Variants in KIF5C observed in about 807,000 individuals in gnomAD.
The protein encoded by KIF5C is kinesin family member 5C.
Under a neutral mutation model 125.2 loss-of-function variants are expected in KIF5C, and 18 were observed. The observed-to-expected ratio is 0.14, with a 90% confidence interval of 0.10 to 0.21. The LOEUF (loss-of-function observed/expected upper bound fraction) is 0.21, where lower values mean the gene tolerates loss of function less well. Ranked by LOEUF, KIF5C falls within the 10% of genes least tolerant of loss-of-function variation. The probability of loss-of-function intolerance (pLI) is 1.00; values close to 1 mark genes in which losing one functional copy is unlikely to be tolerated. For synonymous variants in KIF5C, 405 were observed against 434.0 expected (o/e 0.93, Z 0.83); for missense variants, 780 against 1,183.8 (o/e 0.66, Z 5.01).
At chr2:148,905,455 G>A (rs1474131678) in intron 1 of KIF5C, among the ~76,000 whole-genome samples, 1 of 152,154 alleles carries the variant, frequency 6.6e-6, no homozygotes, top group Non-Finnish European at 1.5e-5. Context: ...GCATTGGTTT[G>A]CTAAGGGGAC....
intron 2 of KIF5C, among the ~76,000 whole-genome samples, chr2:148,926,588 G>A (rs1271854252): frequency 2.0e-5 from 3 of 152,192 alleles, no homozygotes; most frequent in East Asian, 3.9e-4. Flanking sequence ...TTCCTGCTAC[G>A]GCTCCCCCTC....
At chr2:148,983,537 A>T in intron 14 of KIF5C, 83 bp from the exon 15 acceptor site, 1 of 1,427,640 alleles carries the variant, frequency 7.0e-7, no homozygotes, top group South Asian at 1.8e-5. Context: ...TCCATTCTAC[A>T]TGATGGTGTT....
At position 148,924,290 on chromosome 2, in the gene KIF5C, T is replaced by C. The variant is rs539329195; in HGVS notation, c.217+2063T>C. 1.2e-4 allele frequency among the ~76,000 whole-genome samples: 18 copies of C among 152,272 alleles called. No homozygotes were observed. The South Asian group carries it at 3.5e-3, about 30-fold the overall frequency. ...GAGGCGGTGCTGTGGAGCCCTTTTT[T>C]TCTAGAGGCTAATAATTAAATCAGA... On this transcript the variant is annotated intron_variant, in intron 2 of 25. Coordinates refer to ENST00000435030, the MANE Select transcript of KIF5C (RefSeq NM_004522.3). The surrounding 1 kb of genome is among the most constrained non-coding windows in gnomAD (Gnocchi z 4.0).
chr2:148,996,964 T>G (rs947190192), intron 17 of KIF5C, among the ~76,000 whole-genome samples: 4 of 151,954 alleles, frequency 2.6e-5, no homozygotes, highest in Non-Finnish European at 5.9e-5. Flanking sequence ...CTCCCAGGTG[T>G]GCGGTGACAT....
chr2:148,976,473 T>C (rs753258801), intron 12 of KIF5C, among the ~76,000 whole-genome samples: 2 of 151,622 alleles, frequency 1.3e-5, no homozygotes, highest in Non-Finnish European at 2.9e-5. Flanking sequence ...CTTCACCATC[T>C]TGGCCAGGAT....
intron 2 of KIF5C, among the ~76,000 whole-genome samples, chr2:148,928,665 C>T (rs942068512): frequency 1.3e-5 from 2 of 152,152 alleles, no homozygotes; most frequent in Non-Finnish European, 2.9e-5. Flanking sequence ...CTTGTTAGCA[C>T]TATCAGTGCA....
chr2:148,894,703 A>ATATATATATATATATATAT (rs1558875720), intron 1 of KIF5C, among the ~76,000 whole-genome samples: 59 of 147,514 alleles, frequency 4.0e-4, no homozygotes, highest in African/African-American at 1.4e-3. Context: ...AGTTTAGTAC[A>ATATATATATATATATATAT]ATATATATAT....
chr2:148,969,773 G>A (rs1348044210), intron 11 of KIF5C, among the ~76,000 whole-genome samples: 2 of 152,154 alleles, frequency 1.3e-5, no homozygotes, highest in African/African-American at 2.4e-5. Flanking sequence ...CTCCATTAAC[G>A]TGGTGAGATT....
intron 1 of KIF5C, among the ~76,000 whole-genome samples, chr2:148,913,964 C>A (rs1302833105): frequency 6.6e-6 from 1 of 152,174 alleles, no homozygotes; most frequent in Non-Finnish European, 1.5e-5. Flanking sequence ...TGCAGAGAAC[C>A]CGGAGCTCTC....
intron 7 of KIF5C, among the ~76,000 whole-genome samples, chr2:148,943,634 A>G (rs1464789146): frequency 6.6e-6 from 1 of 152,198 alleles, no homozygotes; most frequent in East Asian, 1.9e-4. Flanking sequence ...CTAGGGAGGC[A>G]GATTTCGACC....
At chr2:149,017,521 ACTTC>A (rs2105210274) in intron 25 of KIF5C, among the ~76,000 whole-genome samples, 1 of 152,300 alleles carries the variant, frequency 6.6e-6, no homozygotes, top group African/African-American at 2.4e-5. Flanking sequence ...CTGGAGATCC[ACTTC>A]CTTTCCAGGC....
intron 2 of KIF5C, among the ~76,000 whole-genome samples, chr2:148,925,395 T>C (rs1681950285): frequency 6.6e-6 from 1 of 152,202 alleles, no homozygotes; most frequent in Admixed American, 6.5e-5. Flanking sequence ...TTATCTTATA[T>C]ATGACTCTGA....
chr2:149,012,859 A>G (rs1398916349), intron 25 of KIF5C, among the ~76,000 whole-genome samples: 11 of 152,248 alleles, frequency 7.2e-5, no homozygotes, highest in Non-Finnish European at 1.3e-4. Flanking sequence ...AATCAGAAAT[A>G]GAATGAAACT....
At chr2:148,994,672 GA>G (rs1558938046) in intron 17 of KIF5C, 134 bp downstream of exon 17, 8 of 1,050,300 alleles carry the variant, frequency 7.6e-6, no homozygotes, top group East Asian at 3.1e-5. Context: ...ACCATAACTA[GA>G]AAAAAAGGAG....
chr2:148,957,744 A>G (rs1443683696), intron 10 of KIF5C, among the ~76,000 whole-genome samples: 1 of 151,866 alleles, frequency 6.6e-6, no homozygotes, highest in Non-Finnish European at 1.5e-5. Context: ...CTCAATTTTT[A>G]TTGAATATAA....
chr2:148,961,894 G>A, intron 10 of KIF5C, 77 bp from the exon 11 acceptor site: 1 of 1,516,878 alleles, frequency 6.6e-7, no homozygotes, highest in Non-Finnish European at 8.8e-7. Flanking sequence ...TTGACATGAG[G>A]AATCTTGGGC....
chr2:148,914,283 G>C (rs1167964791), intron 1 of KIF5C, among the ~76,000 whole-genome samples: 1 of 152,204 alleles, frequency 6.6e-6, no homozygotes. Flanking sequence ...GGAGTTCACT[G>C]TATTTTGATC....
In KIF5C at chr2:148,952,859, C is replaced by T. The variant is rs531982725; in HGVS notation, c.968+2397C>T. Among the ~76,000 whole-genome samples the T allele has an allele frequency of 1.2e-3, 179 of 152,272 alleles. 2 individuals are homozygous for T. The highest frequency in any genetic ancestry group is 2.0e-3 in the Admixed American group (30 of 15,302). Reference sequence around the variant, plus strand: ...GTGATTGCAAGTTCTGCTTTTCCTTCGTCTTAAATAATCTCACAGTATTGC... The same window carrying T: ...GTGATTGCAAGTTCTGCTTTTCCTTTGTCTTAAATAATCTCACAGTATTGC... On this transcript the variant is annotated intron_variant, in intron 10 of 25. Coordinates refer to ENST00000435030, the MANE Select transcript of KIF5C (RefSeq NM_004522.3).
intron 2 of KIF5C, among the ~76,000 whole-genome samples, chr2:148,922,859 A>G (rs893361651): frequency 3.3e-5 from 5 of 152,182 alleles, no homozygotes; most frequent in Non-Finnish European, 5.9e-5. Flanking sequence ...CTACATTTAC[A>G]TCTTAGAGAT....
Sources: gnomAD v4.1 joint callset for allele counts (sites outside exome capture counted in the v4.1 genomes callset) on GRCh38, gnomAD v4.1.1 for gene constraint, Gnocchi (gnomAD v3.1) non-coding constraint, MANE v1.5 for transcripts, NCBI Gene and HGNC (gene_info 2026-07-23, HGNC 2026-07-21) for gene names.